SAE1: variants seen among roughly 807,000 people sequenced by gnomAD.
The protein encoded by SAE1 is SUMO-activating enzyme subunit 1.
Under a neutral mutation model 40.6 loss-of-function variants are expected in SAE1, and 11 were observed. The observed-to-expected ratio is 0.27, with a 90% CI of 0.17 to 0.45. The LOEUF (loss-of-function observed/expected upper bound fraction) is 0.45. Ranked by LOEUF, SAE1 falls within the 20% of genes least tolerant of loss-of-function variation. The pLI is 1.00. For synonymous variants in SAE1, 155 were observed against 154.3 expected (o/e 1.00, Z -0.03); for missense variants, 373 against 427.3 (o/e 0.87, Z 1.12).
chr19:47,168,155 G>A (rs1450661270), intron 5 of SAE1, among the ~76,000 whole-genome samples: 6 of 152,002 alleles, frequency 3.9e-5, no homozygotes, highest in Non-Finnish European at 8.8e-5. Context: ...ATCATGCACT[G>A]CACTCCAGCC....
intron 6 of SAE1, among the ~76,000 whole-genome samples, chr19:47,181,476 C>CT (rs202245801): frequency 0.021 from 2,072 of 99,730 alleles, 63 homozygotes; most frequent in Non-Finnish European, 0.024. Context: ...TTTTCTTTTC[C>CT]TTTTTTTTTT....
chr19:47,208,976 T>G (rs1310652028), intron 8 of SAE1, among the ~76,000 whole-genome samples, 183 bp from the exon 9 acceptor site: 1 of 152,196 alleles, frequency 6.6e-6, no homozygotes, highest in Non-Finnish European at 1.5e-5. Context: ...ACACACAGCT[T>G]GTAAGGGACA....
chr19:47,148,617 CTT>C (rs923760660), intron 2 of SAE1, among the ~76,000 whole-genome samples: 18 of 139,366 alleles, frequency 1.3e-4, no homozygotes, highest in Non-Finnish European at 1.1e-4. Context: ...TCTCTGAGTT[CTT>C]TTTTTTTTTT....
intron 8 of SAE1, among the ~76,000 whole-genome samples, chr19:47,204,694 C>G (rs934308786): frequency 1.3e-5 from 2 of 151,696 alleles, no homozygotes; most frequent in Non-Finnish European, 2.9e-5. Flanking sequence ...TTTAGTAGTT[C>G]ACCATATTGG....
At chr19:47,188,307 T>A (rs1485596684) in intron 6 of SAE1, among the ~76,000 whole-genome samples, 1 of 151,612 alleles carries the variant, frequency 6.6e-6, no homozygotes, top group African/African-American at 2.4e-5. Flanking sequence ...GCTGAGATTG[T>A]GCTGCTCATT....
At chr19:47,152,803 C>A in intron 3 of SAE1, 95 bp from the exon 4 acceptor site, 1 of 1,234,978 alleles carries the variant, frequency 8.1e-7, no homozygotes. Context: ...TTTGAGCATG[C>A]CCAGAGAGAC....
chr19:47,155,321 G>T, intron 5 of SAE1, 108 bp downstream of exon 5: 1 of 701,032 alleles, frequency 1.4e-6, no homozygotes, highest in Non-Finnish European at 2.4e-6. Flanking sequence ...GGTGGGGCGG[G>T]TGCTTGTCCC....
At chr19:47,135,171 A>T (rs1417798948) in intron 1 of SAE1, among the ~76,000 whole-genome samples, 1 of 152,168 alleles carries the variant, frequency 6.6e-6, no homozygotes, top group Non-Finnish European at 1.5e-5. Flanking sequence ...CCTTTGTGTT[A>T]CAAACAATCC....
intron 2 of SAE1, among the ~76,000 whole-genome samples, chr19:47,147,717 T>C (rs540443999): frequency 2.6e-5 from 4 of 151,658 alleles, no homozygotes; most frequent in African/African-American, 9.7e-5. Flanking sequence ...CCTCCCAAGC[T>C]GCTGGGTTTA....
chr19:47,145,700 C>G (rs937189270), intron 2 of SAE1, among the ~76,000 whole-genome samples: 1 of 152,192 alleles, frequency 6.6e-6, no homozygotes, highest in African/African-American at 2.4e-5. Flanking sequence ...CCTGCCTCAG[C>G]TTCCCTAGTA....
At chr19:47,207,418 C>T (rs1333043528) in intron 8 of SAE1, among the ~76,000 whole-genome samples, 2 of 152,128 alleles carry the variant, frequency 1.3e-5, no homozygotes, top group Admixed American at 6.5e-5. Flanking sequence ...TGGGACGGTG[C>T]TCCTGGGAAC....
chr19:47,208,140 A>G (rs2058695224), intron 8 of SAE1, among the ~76,000 whole-genome samples: 1 of 152,236 alleles, frequency 6.6e-6, no homozygotes, highest in African/African-American at 2.4e-5. Flanking sequence ...GATAAAGGCC[A>G]CAGCCTAAGA....
At chr19:47,155,708 C>T (rs113084645) in intron 5 of SAE1, among the ~76,000 whole-genome samples, 1 of 150,160 alleles carries the variant, frequency 6.7e-6, no homozygotes, top group Non-Finnish European at 1.5e-5. Flanking sequence ...TCCCAAAGTG[C>T]TGGGATTACA....
intron 6 of SAE1, among the ~76,000 whole-genome samples, chr19:47,190,054 T>G (rs573665297): frequency 1.3e-5 from 2 of 152,234 alleles, no homozygotes; most frequent in Non-Finnish European, 2.9e-5. Flanking sequence ...TTTCCAAAGT[T>G]TGCCTTTTCC....
chr19:47,145,820 A>C (rs964885579), intron 2 of SAE1, among the ~76,000 whole-genome samples: 1 of 152,104 alleles, frequency 6.6e-6, no homozygotes, highest in African/African-American at 2.4e-5. Flanking sequence ...CACCCATCTT[A>C]GAGCGTATTA....
intron 1 of SAE1, among the ~76,000 whole-genome samples, chr19:47,134,688 G>A (rs425703): frequency 6.6e-6 from 1 of 152,144 alleles, no homozygotes; most frequent in Non-Finnish European, 1.5e-5. Flanking sequence ...AGCTTTGTTT[G>A]AAGTGGGGCA....
rs535230794 is a variant in SAE1 at position 47,131,017 on chromosome 19, G to T, written c.87G>T (p.Glu29Asp). 3 of 1,542,732 alleles carry T rather than the reference G, an allele frequency of 1.9e-6. No homozygotes were observed. Among genetic ancestry groups the T allele is most frequent in the Non-Finnish European group, 2.6e-6 (3 of 1,143,310 alleles). ...GGCAGATCCGCCTGTGGGGACTGGA[G>T]GCCCAGAAACGGTCAGGGCCGGCGC... Reference protein sequence around the residue: ...YDRQIRLWGLEAQKRLRASRV... With the variant: ...YDRQIRLWGLDAQKRLRASRV... Residue 29 changes from glutamate to aspartate, a missense_variant, in exon 1 of 9, where the codon GAG (glutamate) becomes GAT (aspartate). Physicochemically the swap from Glu to Asp is conservative, Grantham distance 45. Around this residue, in one of 3 missense-constraint regions of SAE1, gnomAD observed 351 missense variants for 390.6 expected, o/e 0.90. Transcript: ENST00000270225.
chr19:47,182,496 T>TGTGCGTGC (rs143321323), intron 6 of SAE1, among the ~76,000 whole-genome samples: 2 of 145,938 alleles, frequency 1.4e-5, no homozygotes, highest in East Asian at 4.1e-4. Flanking sequence ...TGTGTGTGTG[T>TGTGCGTGC]GCGCGCACGC....
In SAE1 at chr19:47,201,984, G is replaced by T. The variant is rs374015231; in HGVS notation, c.879-1687G>T. ...TGTAGTGGACCTTGATAAGCAGGAA[G>T]ATGTTACCCCTGGATGAACAAAATG... On this transcript the variant is annotated intron_variant, in intron 7 of 8. Coordinates refer to ENST00000270225, the MANE Select transcript of SAE1 (RefSeq NM_005500.3). 4.6e-5 allele frequency among the ~76,000 whole-genome samples: 7 copies of T among 152,252 alleles called. No homozygotes were observed. The South Asian group carries it at 8.3e-4, about 18-fold the overall frequency.
Sources: gnomAD v4.1 joint callset for allele counts (sites outside exome capture counted in the v4.1 genomes callset) on GRCh38, gnomAD v4.1.1 for gene constraint, gnomAD v4.1.1 regional missense constraint, MANE v1.5 for transcripts, NCBI Gene and HGNC (gene_info 2026-07-23, HGNC 2026-07-21) for gene names.